The following PTBP1 variants were observed in gnomAD, a reference collection of about 807,000 sequenced individuals.
PTBP1 encodes the protein polypyrimidine tract-binding protein 1.
PTBP1 carries 8 observed loss-of-function variants against 59.8 expected under a neutral mutation model. That is an observed-to-expected ratio of 0.13 (90% CI 0.08 to 0.24). PTBP1 has a LOEUF of 0.24. Among genes scored for constraint, PTBP1 ranks in the 10% least tolerant of loss-of-function variants. The probability of loss-of-function intolerance (pLI) is 1.00; values close to 1 mark genes in which losing one functional copy is unlikely to be tolerated. For synonymous variants in PTBP1, 490 were observed against 320.7 expected (o/e 1.53, Z -5.64); for missense variants, 686 against 767.0 (o/e 0.89, Z 1.25).
rs1485471467 is a variant in PTBP1 at position 811,918 on chromosome 19, C to T, written c.*1092C>T. ...GATGCTGGGACCCGGAAGGCGGGCG[C>T]TCCTCCTGTCTTCTCTGTGCTCTTT... is the stretch of plus-strand genomic sequence containing the variant. On this transcript the variant is annotated 3_prime_UTR_variant, in exon 15 of 15. Coordinates refer to ENST00000356948, the MANE Select transcript of PTBP1 (RefSeq NM_002819.5). 1 of 72,794 alleles carries T rather than the reference C, an allele frequency of 1.4e-5. No individual in the cohort carries two copies. The highest frequency in any genetic ancestry group is 4.6e-5 in the African/African-American group (1 of 21,940). The allele number at this position is 72,794 out of a possible 1,614,324, so 4.5% of individuals were successfully genotyped here. A position where few individuals can be genotyped will look rare whatever the true frequency, so the allele number is the denominator to read the frequency against.
At chr19:805,751 A>T in intron 9 of PTBP1, 182 bp downstream of exon 9, 1 of 613,356 alleles carries the variant, frequency 1.6e-6, no homozygotes, top group African/African-American at 1.8e-5. Context: ...GTGGTAGGAC[A>T]GGGCTGTGGA....
At chr19:803,254 T>C (rs1488359142) in intron 2 of PTBP1, among the ~76,000 whole-genome samples, 1 of 152,174 alleles carries the variant, frequency 6.6e-6, no homozygotes, top group Non-Finnish European at 1.5e-5. Flanking sequence ...ACAGCAGAGT[T>C]GGCCGTGGAG....
intron 2 of PTBP1, among the ~76,000 whole-genome samples, chr19:803,067 G>A (rs2034406549): frequency 6.6e-6 from 1 of 152,192 alleles, no homozygotes; most frequent in Non-Finnish European, 1.5e-5. Context: ...AGTGAGGGAG[G>A]CAGCGCTATA....
chr19:806,919 GC>G (rs2034608488), intron 10 of PTBP1: 2 of 190,394 alleles, frequency 1.1e-5, no homozygotes, highest in African/African-American at 4.7e-5. Flanking sequence ...GGTGTGGGCA[GC>G]CCCTGTGGCT....
rs1245473385 is a variant in PTBP1 at position 808,975 on chromosome 19, G to A, written c.1463+213G>A. Among the ~76,000 whole-genome samples, 1 of 152,130 alleles carries A rather than the reference G, an allele frequency of 6.6e-6. No individual in the cohort carries two copies. Among genetic ancestry groups the A allele is most frequent in the Non-Finnish European group, 1.5e-5 (1 of 68,018 alleles). ...ACACTTTGGAGGTTTTGGCTCAGGG[G>A]ATGCTCCCTGTGAGAATGTATAATG... On this transcript the variant is annotated intron_variant, in intron 13 of 14. Coordinates refer to ENST00000356948, the MANE Select transcript of PTBP1 (RefSeq NM_002819.5). The surrounding 1 kb of genome is among the most constrained non-coding windows in gnomAD (Gnocchi z 4.7).
In PTBP1 at chr19:799,450, A is replaced by C. The variant is rs2034233354; in HGVS notation, c.39+7A>C. The C allele has an allele frequency of 6.2e-6, 10 of 1,613,668 alleles. No individual in the cohort carries two copies. Among genetic ancestry groups the C allele is most frequent in the Non-Finnish European group, 8.5e-6 (10 of 1,179,756 alleles). On this transcript the variant is annotated splice_region_variant and intron_variant, in intron 2 of 14. Coordinates refer to ENST00000356948, the MANE Select transcript of PTBP1 (RefSeq NM_002819.5). ...TATAGCCGTTGGTACAAAGGTAGGC[A>C]CTTCTCACTTTGCTTCTCCGTGACG...
chr19:805,016 C>G lies in PTBP1; in HGVS notation c.721C>G (p.Leu241Val), dbSNP rs1178144258. Residue 241 changes from leucine (L) to valine (V), a missense_variant, in exon 8 of 15, where the codon CTG becomes GTG. By Grantham distance (32) the Leu-to-Val change is conservative. Coordinates refer to ENST00000356948, the MANE Select transcript of PTBP1 (RefSeq NM_002819.5). The stretch of plus-strand genomic sequence containing the variant: ...CTCACGGTCCCTCTCCCCTCAGTCG[C>G]TGGACGGGCAGAACATCTACAACGC... ...PVSAQHAKLS[L>V]DGQNIYNACC... 1 of 1,613,588 alleles carries G rather than the reference C, an allele frequency of 6.2e-7. No individual in the cohort carries two copies. Among genetic ancestry groups the G allele is most frequent in the South Asian group, 1.1e-5 (1 of 91,082 alleles).
At chr19:803,200 A>G (rs2034413364) in intron 2 of PTBP1, among the ~76,000 whole-genome samples, 1 of 152,160 alleles carries the variant, frequency 6.6e-6, no homozygotes, top group African/African-American at 2.4e-5. Flanking sequence ...CTGAGGCCCC[A>G]GGCCTGTGCC....
At position 804,351 on chromosome 19, in the gene PTBP1, G is replaced by A. The variant is rs771546082; in HGVS notation, c.348G>A (p.Ser116=). Residue 116 remains serine (S), a synonymous_variant, in exon 5 of 15, where the codon TCG becomes TCA. Transcript: ENST00000356948. ...ACACCATGGTGAACTACTACACCTCGGTGACCCCTGTGCTGCGCGGCCAGC... is the reference window on the plus strand; with the variant it reads ...ACACCATGGTGAACTACTACACCTCAGTGACCCCTGTGCTGCGCGGCCAGC... ...AANTMVNYYT[S]VTPVLRGQPI... 41 of 1,613,234 alleles carry A rather than the reference G, an allele frequency of 2.5e-5. No individual in the cohort carries two copies. Among genetic ancestry groups the A allele is most frequent in the Admixed American group, 5.0e-5 (3 of 59,974 alleles).
chr19:800,661 G>A (rs368515473), intron 2 of PTBP1, among the ~76,000 whole-genome samples: 2 of 152,200 alleles, frequency 1.3e-5, no homozygotes, highest in African/African-American at 4.8e-5. Flanking sequence ...GTCTTTACGC[G>A]CTGCCTGCCC....
rs764799203 is a variant in PTBP1 at position 797,470 on chromosome 19, C to T, written c.-28C>T. On this transcript the variant is annotated 5_prime_UTR_variant, in exon 1 of 15. Coordinates refer to ENST00000356948, the MANE Select transcript of PTBP1 (RefSeq NM_002819.5). ...TCCTGCTATTCCGGCGCCTCCACTC[C>T]GTCCCCCGCGGGTCTGCTCTGTGTG... 186 of 1,596,240 alleles carry T rather than the reference C, an allele frequency of 1.2e-4. No homozygotes were observed. The highest frequency in any genetic ancestry group is 1.4e-4 in the Non-Finnish European group (170 of 1,174,548).
Position 808,081 on chromosome 19 carries a change from T to A in PTBP1, c.1153+179T>A. The A allele has an allele frequency of 1.5e-6, 1 of 665,846 alleles. No individual in the cohort carries two copies. Among genetic ancestry groups the A allele is most frequent in the Non-Finnish European group, 2.7e-6 (1 of 373,970 alleles). 41.2% of individuals were successfully genotyped at this position (665,846 alleles called of 1,614,324 possible). A position where few individuals can be genotyped will look rare whatever the true frequency, so the allele number is the denominator to read the frequency against. ...GGTCCCGTAGATACGTACGCATGGT[T>A]TATCGCCCTGCATGCTTTTCAGAGT... On this transcript the variant is annotated intron_variant, in intron 11 of 14. Coordinates refer to ENST00000356948, the MANE Select transcript of PTBP1 (RefSeq NM_002819.5). The surrounding 1 kb of genome is among the most constrained non-coding windows in gnomAD (Gnocchi z 4.7).
intron 9 of PTBP1, 169 bp from the exon 10 acceptor site, chr19:806,239 G>A (rs2034566503): frequency 3.1e-6 from 2 of 646,600 alleles, no homozygotes; most frequent in Admixed American, 8.2e-5. Context: ...GCCGGCGGGT[G>A]GCTGTGCGGG....
In PTBP1 at chr19:810,957, C is replaced by G; in HGVS notation, c.*131C>G. Reference sequence around the variant, plus strand: ...TTTTTTTAAAGAGAAATCAGTTTACCTGTTTTTAAAAAAATTAAATCTAGT... The same window carrying G: ...TTTTTTTAAAGAGAAATCAGTTTACGTGTTTTTAAAAAAATTAAATCTAGT... On this transcript the variant is annotated 3_prime_UTR_variant, in exon 15 of 15. Coordinates refer to ENST00000356948, the MANE Select transcript of PTBP1 (RefSeq NM_002819.5). The G allele has an allele frequency of 9.8e-7, 1 of 1,020,558 alleles. No homozygotes were observed. 63.2% of individuals were successfully genotyped at this position (1,020,558 alleles called of 1,614,324 possible).
At chr19:803,239 C>T (rs1217820872) in intron 2 of PTBP1, among the ~76,000 whole-genome samples, 2 of 152,170 alleles carry the variant, frequency 1.3e-5, no homozygotes, top group Non-Finnish European at 2.9e-5. Context: ...AGTGAGGCCA[C>T]GTCCACAGCA....
At chr19:807,767 C>T (rs1335249099) in intron 10 of PTBP1, 102 bp from the exon 11 acceptor site, 6 of 872,832 alleles carry the variant, frequency 6.9e-6, no homozygotes, top group Non-Finnish European at 9.6e-6. Context: ...CCACTGCACG[C>T]CTGCGGGGAC....
chr19:799,408 T>G lies in PTBP1; in HGVS notation c.9-5T>G. 6.2e-7 allele frequency: 1 copy of G among 1,613,860 alleles called. No individual in the cohort carries two copies. Among genetic ancestry groups the G allele is most frequent in the East Asian group, 2.2e-5 (1 of 44,886 alleles). The stretch of plus-strand genomic sequence containing the variant: ...TAACGTTGTCTCCTTTCTTTCTCTC[T>G]ACAGCATTGTCCCAGATATAGCCGT... On this transcript the variant is annotated splice_polypyrimidine_tract_variant and splice_region_variant and intron_variant, in intron 1 of 14. Coordinates refer to ENST00000356948, the MANE Select transcript of PTBP1 (RefSeq NM_002819.5).
intron 1 of PTBP1, 188 bp from the exon 2 acceptor site, chr19:799,225 A>C (rs1015941390): frequency 1.4e-6 from 1 of 696,462 alleles, no homozygotes; most frequent in Non-Finnish European, 2.6e-6. Context: ...TTCAAGTTGC[A>C]GTCAAGTGGA....
At position 804,366 on chromosome 19, in the gene PTBP1, G is replaced by A. The variant is rs1599228294; in HGVS notation, c.363G>A (p.Leu121=). The stretch of plus-strand genomic sequence containing the variant: ...ACTACACCTCGGTGACCCCTGTGCT[G>A]CGCGGCCAGCCCATCTACATCCAGT... ...VNYYTSVTPV[L]RGQPIYIQFS... Residue 121 remains leucine (L), a synonymous_variant, in exon 5 of 15, where the codon CTG becomes CTA. Coordinates refer to ENST00000356948, the MANE Select transcript of PTBP1 (RefSeq NM_002819.5). 1 of 1,613,066 alleles carries A rather than the reference G, an allele frequency of 6.2e-7. No individual in the cohort carries two copies. Among genetic ancestry groups the A allele is most frequent in the Non-Finnish European group, 8.5e-7 (1 of 1,179,984 alleles).
Sources: allele counts gnomAD v4.1 joint callset (sites outside exome capture counted in the v4.1 genomes callset), GRCh38; gene constraint gnomAD v4.1.1; non-coding constraint Gnocchi (gnomAD v3.1); transcripts MANE v1.5; gene names NCBI Gene and HGNC (gene_info 2026-07-23, HGNC 2026-07-21).